GREM2: variants seen among roughly 807,000 people sequenced by gnomAD.
GREM2 encodes gremlin-2.
A neutral mutation model predicts 14.2 loss-of-function variants in GREM2; 11 were observed. The ratio of observed to expected loss-of-function variants is 0.78; its 90% CI spans 0.49 to 1.28. The LOEUF (loss-of-function observed/expected upper bound fraction) is 1.28. Among genes scored for constraint, GREM2 ranks in the 50% most tolerant of loss-of-function variants. The pLI is 0.00. For missense variants in GREM2, 210 were observed against 218.5 expected (o/e 0.96, Z 0.24); for synonymous variants, 98 against 97.6 (o/e 1.00, Z -0.02).
At chr1:240,595,849 G>T (rs1164026212) in intron 1 of GREM2, among the ~76,000 whole-genome samples, 1 of 152,178 alleles carries the variant, frequency 6.6e-6, no homozygotes, top group Non-Finnish European at 1.5e-5. Context: ...AGTCTAGCAT[G>T]AAGGTTAAGA....
chr1:240,542,328 G>A lies in GREM2; in HGVS notation c.-1-48852C>T, dbSNP rs1044586283. ...ATTTCTAAGGAGCTGAGCCGGGCAC[G>A]GTGGCTCACGGCTCACGTCTAATCC... On this transcript the variant is annotated intron_variant, in intron 1 of 1. Coordinates refer to ENST00000318160, the MANE Select transcript of GREM2 (RefSeq NM_022469.4). This position sits in a 1 kb window ranked among gnomAD's most constrained non-coding sequence, Gnocchi z 4.1. Among the ~76,000 whole-genome samples, 6 of 151,974 alleles carry A rather than the reference G, an allele frequency of 3.9e-5. No homozygotes were observed. Among genetic ancestry groups the A allele is most frequent in the African/African-American group, 7.2e-5 (3 of 41,452 alleles).
intron 1 of GREM2, among the ~76,000 whole-genome samples, chr1:240,553,044 T>C (rs1228802553): frequency 1.3e-5 from 2 of 152,146 alleles, no homozygotes; most frequent in Non-Finnish European, 2.9e-5. Flanking sequence ...AAACTCTGTA[T>C]TGGAAATTGT....
intron 1 of GREM2, among the ~76,000 whole-genome samples, chr1:240,538,645 G>C (rs1199980204): frequency 3.3e-5 from 5 of 152,108 alleles, no homozygotes; most frequent in Non-Finnish European, 7.4e-5. Flanking sequence ...TTGAGTTCAG[G>C]AGGCGGAGGT....
At chr1:240,512,985 T>C (rs1220421945) in intron 1 of GREM2, among the ~76,000 whole-genome samples, 1 of 152,198 alleles carries the variant, frequency 6.6e-6, no homozygotes, top group Non-Finnish European at 1.5e-5. Context: ...ATACAGCAGA[T>C]ATGATCCTGT....
At chr1:240,524,583 A>G (rs1282701985) in intron 1 of GREM2, among the ~76,000 whole-genome samples, 7 of 152,220 alleles carry the variant, frequency 4.6e-5, no homozygotes, top group Admixed American at 4.6e-4. Context: ...CTCACAGTAC[A>G]CCAGTACAAA....
At chr1:240,507,618 C>A (rs1262700441) in intron 1 of GREM2, among the ~76,000 whole-genome samples, 1 of 152,132 alleles carries the variant, frequency 6.6e-6, no homozygotes, top group East Asian at 1.9e-4. Flanking sequence ...TAGGCATAAG[C>A]CACTGTGCCT....
chr1:240,516,071 G>A (rs1677949269), intron 1 of GREM2, among the ~76,000 whole-genome samples: 1 of 151,474 alleles, frequency 6.6e-6, no homozygotes, highest in Admixed American at 6.6e-5. Flanking sequence ...TATACTCCAT[G>A]GACTTCTGAG....
chr1:240,550,852 G>A (rs1254735415), intron 1 of GREM2, among the ~76,000 whole-genome samples: 8 of 152,092 alleles, frequency 5.3e-5, no homozygotes. Flanking sequence ...CAATCAAATG[G>A]ACATTGTCAA....
chr1:240,571,386 G>T (rs1679258219), intron 1 of GREM2, among the ~76,000 whole-genome samples: 1 of 152,140 alleles, frequency 6.6e-6, no homozygotes, highest in Non-Finnish European at 1.5e-5. Context: ...GAGTAGTTCT[G>T]ATTGGGACTA....
At chr1:240,549,822 G>A (rs1017340847) in intron 1 of GREM2, 1 of 152,406 alleles carries the variant, frequency 6.6e-6, no homozygotes, top group East Asian at 1.9e-4. Context: ...GAATCACCTA[G>A]AACAGACTCT....
At chr1:240,556,337 A>G (rs894010599) in intron 1 of GREM2, among the ~76,000 whole-genome samples, 5 of 152,234 alleles carry the variant, frequency 3.3e-5, no homozygotes, top group Admixed American at 1.3e-4. Context: ...TCAGGGAATA[A>G]AAAGGCCTAA....
At position 240,562,913 on chromosome 1, in the gene GREM2, TGTGA is replaced by T. The variant is rs952303773; in HGVS notation, c.-2+48967_-2+48970del. Among the ~76,000 whole-genome samples, 276 of 149,410 alleles carry T rather than the reference TGTGA, an allele frequency of 1.8e-3. 1 individual carries two copies. The highest frequency in any genetic ancestry group is 6.6e-3 in the African/African-American group (264 of 39,856). On this transcript the variant is annotated intron_variant, in intron 1 of 1. Transcript: ENST00000318160. ...GAGTGTGTATGTGTGTATGTATGTCTGTGAGTGTATGTGTATGTGTGTGAGTGTG... is the reference window on the plus strand; with the variant it reads ...GAGTGTGTATGTGTGTATGTATGTCTGTGTATGTGTATGTGTGTGAGTGTG...
chr1:240,601,665 G>A (rs888046836), intron 1 of GREM2, among the ~76,000 whole-genome samples: 15 of 152,164 alleles, frequency 9.9e-5, no homozygotes, highest in African/African-American at 3.6e-4. Flanking sequence ...CCAGCACTTT[G>A]AGAGGCCGAG....
rs967972984 is a variant in GREM2, at chr1:240,491,474, G to A, written c.*1495C>T. ...GAGCCCAGAAGAAGTATATAATTTC[G>A]CTGGAAAATAAGTTACGTCTACTTC... On this transcript the variant is annotated 3_prime_UTR_variant, in exon 2 of 2. Coordinates refer to ENST00000318160, the MANE Select transcript of GREM2 (RefSeq NM_022469.4). 6.6e-6 allele frequency: 1 copy of A among 152,568 alleles called. No homozygotes were observed. Among genetic ancestry groups the A allele is most frequent in the Non-Finnish European group, 1.5e-5 (1 of 68,044 alleles). The allele number at this position is 152,568 out of a possible 1,614,324, so 9.5% of individuals were successfully genotyped here.
intron 1 of GREM2, among the ~76,000 whole-genome samples, chr1:240,520,575 A>T (rs1213712690): frequency 1.3e-5 from 2 of 151,910 alleles, no homozygotes; most frequent in African/African-American, 4.8e-5. Context: ...ACAGAGTCTT[A>T]CTCATTGCCC....
intron 1 of GREM2, among the ~76,000 whole-genome samples, chr1:240,521,148 A>T (rs1218113879): frequency 6.6e-6 from 1 of 152,126 alleles, no homozygotes; most frequent in Non-Finnish European, 1.5e-5. Flanking sequence ...GCTGTCAGTT[A>T]TGAAGGCTTT....
intron 1 of GREM2, among the ~76,000 whole-genome samples, chr1:240,520,828 C>A (rs944335910): frequency 6.6e-6 from 1 of 151,676 alleles, no homozygotes; most frequent in Admixed American, 6.6e-5. Flanking sequence ...TAGATGTGAG[C>A]CACTGTGCCA....
intron 1 of GREM2, among the ~76,000 whole-genome samples, chr1:240,531,408 A>G (rs1678354948): frequency 6.6e-6 from 1 of 152,248 alleles, no homozygotes; most frequent in Non-Finnish European, 1.5e-5. Context: ...TTGAAATTAA[A>G]CATGATCAGA....
At chr1:240,531,004 AT>A (rs1678346955) in intron 1 of GREM2, 1 of 152,242 alleles carries the variant, frequency 6.6e-6, no homozygotes. Flanking sequence ...GATGACAGAC[AT>A]TTAGAAGCCT....
Sources: gnomAD v4.1 joint callset for allele counts (sites outside exome capture counted in the v4.1 genomes callset) on GRCh38, gnomAD v4.1.1 for gene constraint, Gnocchi (gnomAD v3.1) non-coding constraint, MANE v1.5 for transcripts, NCBI Gene and HGNC (gene_info 2026-07-23, HGNC 2026-07-21) for gene names.